ESD: variants seen among roughly 807,000 people sequenced by gnomAD.
The protein encoded by ESD is esterase D.
ESD carries 34 observed loss-of-function variants against 38.1 expected under a neutral mutation model. The ratio of observed to expected loss-of-function variants is 0.89; its 90% confidence interval spans 0.68 to 1.19. The LOEUF is 1.19. ESD is among the 50% of genes most tolerant of loss of function. The pLI is 0.00. For synonymous variants in ESD, 97 were observed against 107.0 expected (o/e 0.91, Z 0.58); for missense variants, 334 against 327.2 (o/e 1.02, Z -0.16).
chr13:46,777,792 G>A (rs1874857966), intron 8 of ESD, among the ~76,000 whole-genome samples, 169 bp from the exon 9 acceptor site: 1 of 151,750 alleles, frequency 6.6e-6, no homozygotes, highest in Non-Finnish European at 1.5e-5. Context: ...TTATTTACAA[G>A]GTCTTCGGAA....
intron 3 of ESD, among the ~76,000 whole-genome samples, chr13:46,788,910 A>G (rs1005380754): frequency 6.6e-6 from 1 of 152,112 alleles, no homozygotes; most frequent in South Asian, 2.1e-4. Context: ...CATTAAAAAA[A>G]CCCCTTCAGA....
chr13:46,782,559 AG>A, intron 6 of ESD, 107 bp downstream of exon 6: 2 of 1,221,224 alleles, frequency 1.6e-6, no homozygotes, highest in Non-Finnish European at 2.3e-6. Context: ...AATTTTTACT[AG>A]TAACTTTTAT....
chr13:46,777,660 A>C, intron 8 of ESD, 37 bp from the exon 9 acceptor site: 1 of 1,530,334 alleles, frequency 6.5e-7, no homozygotes, highest in African/African-American at 1.4e-5. Context: ...AATAAATTCA[A>C]AGATACTCTT....
intron 3 of ESD, among the ~76,000 whole-genome samples, chr13:46,789,825 T>A (rs1345221591): frequency 6.6e-6 from 1 of 151,880 alleles, no homozygotes; most frequent in East Asian, 1.9e-4. Flanking sequence ...TTTTATTTTA[T>A]GTTTTTTGAG....
At chr13:46,771,756 C>G (rs897759320) in intron 9 of ESD, among the ~76,000 whole-genome samples, 5 of 152,042 alleles carry the variant, frequency 3.3e-5, no homozygotes, top group African/African-American at 1.2e-4. Flanking sequence ...CTTCTAAATG[C>G]TGCCATTAAT....
At chr13:46,782,637 A>G (rs761936989) in intron 6 of ESD, 30 bp downstream of exon 6, 2 of 1,605,906 alleles carry the variant, frequency 1.2e-6, no homozygotes, top group South Asian at 2.2e-5. Context: ...GGCAGTCATC[A>G]ATTAATAATT....
intron 7 of ESD, among the ~76,000 whole-genome samples, chr13:46,780,957 G>A (rs529185579): frequency 2.6e-5 from 4 of 151,690 alleles, no homozygotes; most frequent in Admixed American, 6.6e-5. Context: ...GTTCTGCACA[G>A]TATGACATAC....
At chr13:46,783,618 G>A (rs778045338) in intron 5 of ESD, among the ~76,000 whole-genome samples, 1 of 151,624 alleles carries the variant, frequency 6.6e-6, no homozygotes, top group Non-Finnish European at 1.5e-5. Flanking sequence ...TTTCTAACCA[G>A]ATATGCATTG....
chr13:46,796,061 C>G (rs1265562763), intron 1 of ESD, among the ~76,000 whole-genome samples: 1 of 152,126 alleles, frequency 6.6e-6, no homozygotes, highest in Non-Finnish European at 1.5e-5. Context: ...CTATAAACGC[C>G]AAACACCTTC....
chr13:46,790,401 C>G (rs1301549787), intron 3 of ESD, among the ~76,000 whole-genome samples: 1 of 152,152 alleles, frequency 6.6e-6, no homozygotes, highest in Admixed American at 6.5e-5. Flanking sequence ...ATCTTGAAAT[C>G]TCTTCCTTTG....
intron 9 of ESD, among the ~76,000 whole-genome samples, chr13:46,775,179 A>AT (rs890136616): frequency 2.3e-3 from 345 of 151,046 alleles, no homozygotes; most frequent in African/African-American, 7.1e-3. Flanking sequence ...GCTACCTAGT[A>AT]TTTTTTTTTC....
At chr13:46,794,333 CTTTATTT>C (rs1342982985) in intron 1 of ESD, among the ~76,000 whole-genome samples, 2 of 151,996 alleles carry the variant, frequency 1.3e-5, no homozygotes, top group Non-Finnish European at 2.9e-5. Flanking sequence ...CTGTTCTTCC[CTTTATTT>C]TTTATTTTTT....
At chr13:46,797,544 T>C (rs1007943572), upstream of ESD, among the ~76,000 whole-genome samples, 1 of 152,200 alleles carries the variant, frequency 6.6e-6, no homozygotes, top group African/African-American at 2.4e-5. Flanking sequence ...ATGTAGAAAC[T>C]AGGGCCTAAT....
chr13:46,780,825 A>G (rs1874971913), intron 7 of ESD, among the ~76,000 whole-genome samples: 1 of 151,708 alleles, frequency 6.6e-6, no homozygotes, highest in Admixed American at 6.6e-5. Context: ...AGTTCTTCCT[A>G]AGAGGAGGAA....
chr13:46,771,376 CT>C lies in ESD; in HGVS notation c.*39del, dbSNP rs1448507857. On this transcript the variant is annotated 3_prime_UTR_variant, in exon 10 of 10. Coordinates refer to ENST00000378720, the MANE Select transcript of ESD (RefSeq NM_001984.2). ...TCAGCAATACAGTTGCATTTTACAACTTTTATAATCCTGAAGAGATTCTCTT... is the reference window on the plus strand; with the variant it reads ...TCAGCAATACAGTTGCATTTTACAACTTTATAATCCTGAAGAGATTCTCTT... 1 of 1,296,346 alleles carries C rather than the reference CT, an allele frequency of 7.7e-7. No homozygotes were observed. Among genetic ancestry groups the C allele is most frequent in the Non-Finnish European group, 1.1e-6 (1 of 931,352 alleles). The allele number at this position is 1,296,346 out of a possible 1,614,324, so 80.3% of individuals were successfully genotyped here. A position where few individuals can be genotyped will look rare whatever the true frequency, so the allele number is the denominator to read the frequency against.
At chr13:46,791,268 G>A in intron 3 of ESD, 78 bp downstream of exon 3, 6 of 1,042,128 alleles carry the variant, frequency 5.8e-6, no homozygotes, top group Non-Finnish European at 8.8e-6. Flanking sequence ...ATAATATCTA[G>A]ATAAAGATTG....
intron 9 of ESD, among the ~76,000 whole-genome samples, chr13:46,772,595 T>C (rs1182967393): frequency 6.6e-6 from 1 of 152,184 alleles, no homozygotes; most frequent in African/African-American, 2.4e-5. Context: ...CCAACTCCCA[T>C]CGCCCTTTGG....
Position 46,771,312 on chromosome 13 carries a change from A to C in ESD, c.*104T>G. On this transcript the variant is annotated 3_prime_UTR_variant, in exon 10 of 10. Transcript: ENST00000378720. The stretch of plus-strand genomic sequence containing the variant: ...AACTATAGAATAAAGCCCTTTTAGC[A>C]CTATAAAATCCAATGTTTTGAATTT... The C allele has an allele frequency of 2.9e-6, 2 of 698,670 alleles. No individual in the cohort carries two copies. Among genetic ancestry groups the C allele is most frequent in the Non-Finnish European group, 4.9e-6 (2 of 411,472 alleles). 43.3% of individuals were successfully genotyped at this position (698,670 alleles called of 1,614,324 possible). A position where few individuals can be genotyped will look rare whatever the true frequency, so the allele number is the denominator to read the frequency against.
chr13:46,795,330 C>T (rs1013573895), intron 1 of ESD, among the ~76,000 whole-genome samples: 1 of 152,204 alleles, frequency 6.6e-6, no homozygotes, highest in African/African-American at 2.4e-5. Context: ...CAGCCTAATA[C>T]GGCCTACGTG....
Sources: allele counts gnomAD v4.1 joint callset (sites outside exome capture counted in the v4.1 genomes callset), GRCh38; gene constraint gnomAD v4.1.1; transcripts MANE v1.5; gene names NCBI Gene and HGNC (gene_info 2026-07-23, HGNC 2026-07-21).